Variants in NAA11 observed in about 807,000 individuals in gnomAD.
The protein encoded by NAA11 is N-alpha-acetyltransferase 11, NatA catalytic subunit.
NAA11 carries 15 observed loss-of-function variants against 16.1 expected under a neutral mutation model. The observed-to-expected ratio is 0.93, with a 90% CI of 0.62 to 1.44. NAA11 has a LOEUF of 1.44. Among genes scored for constraint, NAA11 ranks in the 40% most tolerant of loss-of-function variants. The pLI, the probability that NAA11 is intolerant of heterozygous loss-of-function variation, is 0.00. For missense variants in NAA11, 298 were observed against 291.3 expected, an observed-to-expected ratio of 1.02 and a Z score of -0.17; for synonymous variants, 122 against 112.4, an observed-to-expected ratio of 1.09 and a Z score of -0.54.
chr4:79,180,773 A>T, the NAA11 span, among the ~76,000 whole-genome samples: 9 of 152,150 alleles, frequency 5.9e-5, no homozygotes, highest in African/African-American at 2.2e-4. Flanking sequence ...ATAAAGACAC[A>T]TGCACACGTA....
chr4:79,275,284 A>C (rs1722622823), intron 2 of NAA11, among the ~76,000 whole-genome samples: 1 of 152,080 alleles, frequency 6.6e-6, no homozygotes, highest in Admixed American at 6.6e-5. Flanking sequence ...AATAGAGACC[A>C]AGTTCTGTCT....
At chr4:79,157,550 T>C in the NAA11 span, among the ~76,000 whole-genome samples, 1 of 151,886 alleles carries the variant, frequency 6.6e-6, no homozygotes, top group Non-Finnish European at 1.5e-5. Flanking sequence ...TATACACATG[T>C]ACACATATGT....
downstream of NAA11, among the ~76,000 whole-genome samples, chr4:79,311,714 G>A (rs992796236): frequency 5.9e-5 from 9 of 152,148 alleles, no homozygotes; most frequent in African/African-American, 1.9e-4. Context: ...ACTCAATGCA[G>A]TTGAGGCAAT....
the NAA11 span, among the ~76,000 whole-genome samples, chr4:79,175,951 A>G: frequency 6.6e-6 from 1 of 152,124 alleles, no homozygotes; most frequent in Non-Finnish European, 1.5e-5. Context: ...GCTGCTCTTG[A>G]TGCTATATTT....
intron 1 of NAA11, among the ~76,000 whole-genome samples, chr4:79,322,405 TTC>T (rs1343947301): frequency 6.6e-6 from 1 of 152,194 alleles, no homozygotes; most frequent in African/African-American, 2.4e-5. Flanking sequence ...TATTTATTAT[TTC>T]TCTCTTCTTT....
the NAA11 span, among the ~76,000 whole-genome samples, chr4:79,196,955 C>CAAAAAAAAAAAAAAAAAAAAAAAAAAAAA: frequency 1.2e-5 from 1 of 86,188 alleles, no homozygotes; most frequent in Middle Eastern, 0.01. Flanking sequence ...ATGAAAAAGA[C>CAAAAAAAAAAAAAAAAAAAAAAAAAAAAA]AAAAAAAAAA....
the NAA11 span, among the ~76,000 whole-genome samples, chr4:79,200,126 G>T: frequency 2.0e-5 from 3 of 151,874 alleles, no homozygotes; most frequent in Admixed American, 6.6e-5. Context: ...GACAGCTTGG[G>T]CTGGAATCTT....
At chr4:79,278,323 A>G (rs1722710966) in intron 2 of NAA11, among the ~76,000 whole-genome samples, 1 of 152,094 alleles carries the variant, frequency 6.6e-6, no homozygotes, top group African/African-American at 2.4e-5. Flanking sequence ...TCTTTCTTAA[A>G]CACATCTTAT....
At chr4:79,212,789 G>GGT in the NAA11 span, among the ~76,000 whole-genome samples, 2 of 131,222 alleles carry the variant, frequency 1.5e-5, no homozygotes, top group Non-Finnish European at 3.1e-5. Flanking sequence ...CTTTATTATA[G>GGT]GTATATATAT....
At chr4:79,250,216 C>T (rs932324064) in intron 2 of NAA11, among the ~76,000 whole-genome samples, 1 of 152,230 alleles carries the variant, frequency 6.6e-6, no homozygotes, top group East Asian at 1.9e-4. Flanking sequence ...CACGGAGATG[C>T]AGGAGTTTTT....
intron 2 of NAA11, among the ~76,000 whole-genome samples, chr4:79,270,012 G>GT (rs1219276927): frequency 1.3e-5 from 2 of 151,512 alleles, no homozygotes; most frequent in Non-Finnish European, 2.9e-5. Context: ...TCAGACAGTT[G>GT]TAGGTATGCG....
At chr4:79,228,609 A>G (rs1721379787) in intron 2 of NAA11, among the ~76,000 whole-genome samples, 1 of 151,970 alleles carries the variant, frequency 6.6e-6, no homozygotes. Context: ...AGGGTAATGC[A>G]TTAAGATTTG....
At chr4:79,177,105 A>C in the NAA11 span, among the ~76,000 whole-genome samples, 10 of 152,098 alleles carry the variant, frequency 6.6e-5, no homozygotes, top group Non-Finnish European at 4.4e-5. Flanking sequence ...ATTTTTTGAA[A>C]TTATAAAATA....
the NAA11 span, among the ~76,000 whole-genome samples, chr4:79,207,871 G>T: frequency 2.0e-5 from 3 of 151,972 alleles, no homozygotes; most frequent in African/African-American, 7.3e-5. Context: ...GTCTTCTATG[G>T]GGTGGATGAT....
intron 2 of NAA11, among the ~76,000 whole-genome samples, chr4:79,283,828 T>C (rs1267617412): frequency 6.6e-6 from 1 of 152,154 alleles, no homozygotes; most frequent in Non-Finnish European, 1.5e-5. Context: ...AAATTGGTTA[T>C]AGTGGTATGC....
intron 1 of NAA11, among the ~76,000 whole-genome samples, chr4:79,302,464 T>G (rs1037966095): frequency 1.3e-5 from 2 of 152,210 alleles, no homozygotes; most frequent in Non-Finnish European, 2.9e-5. Flanking sequence ...TGCTGACTAA[T>G]ATTAATCTGA....
intron 1 of NAA11, chr4:79,299,390 T>A (rs1292509288): frequency 6.6e-6 from 1 of 152,128 alleles, no homozygotes; most frequent in African/African-American, 2.4e-5. Context: ...ATGAAAGACT[T>A]TGGAAGTTTA....
intron 2 of NAA11, among the ~76,000 whole-genome samples, chr4:79,254,198 G>T (rs1402924643): frequency 6.6e-6 from 1 of 152,202 alleles, no homozygotes; most frequent in African/African-American, 2.4e-5. Context: ...CAAGAGGGAA[G>T]CATTTCTGTT....
the NAA11 span, among the ~76,000 whole-genome samples, chr4:79,159,337 C>T: frequency 4.6e-5 from 7 of 152,278 alleles, no homozygotes; most frequent in African/African-American, 1.7e-4. Flanking sequence ...TGAAAACATG[C>T]TCACCATCAC....
Sources: allele counts gnomAD v4.1 joint callset (sites outside exome capture counted in the v4.1 genomes callset), GRCh38; gene constraint gnomAD v4.1.1; transcripts MANE v1.5; gene names NCBI Gene and HGNC (gene_info 2026-07-23, HGNC 2026-07-21).